TRAF7: variants seen among roughly 807,000 people sequenced by gnomAD.
TRAF7 encodes the protein E3 ubiquitin-protein ligase TRAF7.
A neutral mutation model predicts 89.3 loss-of-function variants in TRAF7; 45 were observed. That is an observed-to-expected ratio of 0.50 (90% CI 0.40 to 0.65). The LOEUF is 0.65. Ranked by LOEUF, TRAF7 falls within the 30% of genes least tolerant of loss-of-function variation. The pLI is 0.00. For missense variants in TRAF7, 677 were observed against 918.1 expected (o/e 0.74, Z 3.39); for synonymous variants, 406 against 369.2 (o/e 1.10, Z -1.14).
chr16:2,163,049 C>G lies in TRAF7; in HGVS notation c.-38-834C>G, dbSNP rs2093064030. On this transcript the variant is annotated intron_variant, in intron 1 of 20. Transcript: ENST00000326181. The surrounding 1 kb of genome is among the most constrained non-coding windows in gnomAD (Gnocchi z 4.3). ...CCTGGGTGTGACCTGTTGGCTGGGTCTCTTTTTCTCTCTAATGTTTACCTT... is the reference window on the plus strand; with the variant it reads ...CCTGGGTGTGACCTGTTGGCTGGGTGTCTTTTTCTCTCTAATGTTTACCTT... Among the ~76,000 whole-genome samples the G allele has an allele frequency of 6.6e-6, 1 of 152,158 alleles. No individual in the cohort carries two copies. Among genetic ancestry groups the G allele is most frequent in the African/African-American group, 2.4e-5 (1 of 41,432 alleles).
In TRAF7 at chr16:2,176,393, C is replaced by A; in HGVS notation, c.1998+9C>A. ...TGGATAGCACTGTGAAGGTCAGTGC[C>A]CGTGGCTCAGGCCATTCAAAGGGGC... is the stretch of plus-strand genomic sequence containing the variant. On this transcript the variant is annotated intron_variant, in intron 20 of 20. Transcript: ENST00000326181. 6.2e-7 allele frequency: 1 copy of A among 1,609,998 alleles called. No homozygotes were observed.
intron 3 of TRAF7, among the ~76,000 whole-genome samples, chr16:2,167,039 G>T (rs1372342716): frequency 1.3e-5 from 2 of 152,196 alleles, no homozygotes; most frequent in Non-Finnish European, 2.9e-5. Flanking sequence ...CCTGCTTACA[G>T]TAGCGCCTCT....
In TRAF7 at chr16:2,172,076, C is replaced by T. The variant is rs546621883; in HGVS notation, c.476-115C>T. 67 of 1,271,962 alleles carry T rather than the reference C, an allele frequency of 5.3e-5. 1 individual carries two copies. In the East Asian group the frequency reaches 1.3e-3, roughly 24 times the overall value. 78.8% of individuals were successfully genotyped at this position (1,271,962 alleles called of 1,614,324 possible). A position where few individuals can be genotyped will look rare whatever the true frequency, so the allele number is the denominator to read the frequency against. ...CACCTGTGCCCCCGTTCCCATGTTG[C>T]GTGCCTCAGAGGCGCAGATGGACAG... On this transcript the variant is annotated intron_variant, in intron 7 of 20. Transcript: ENST00000326181.
At position 2,163,612 on chromosome 16, in the gene TRAF7, G is replaced by T; in HGVS notation, c.-38-271G>T. On this transcript the variant is annotated intron_variant, in intron 1 of 20. Transcript: ENST00000326181. The surrounding 1 kb of genome is among the most constrained non-coding windows in gnomAD (Gnocchi z 4.3). Reference sequence around the variant, plus strand: ...GCAGGGGTCCCTCCACCTCGGGGAAGAGCTGGATGGGCTCTTCGGGAGCTC... The same window carrying T: ...GCAGGGGTCCCTCCACCTCGGGGAATAGCTGGATGGGCTCTTCGGGAGCTC... 1 of 423,328 alleles carries T rather than the reference G, an allele frequency of 2.4e-6. No individual in the cohort carries two copies. The highest frequency in any genetic ancestry group is 5.0e-5 in the East Asian group (1 of 19,992). 26.2% of individuals were successfully genotyped at this position (423,328 alleles called of 1,614,324 possible). A position where few individuals can be genotyped will look rare whatever the true frequency, so the allele number is the denominator to read the frequency against.
chr16:2,174,134 G>C (rs2093125556), intron 13 of TRAF7, 86 bp downstream of exon 13: 3 of 1,602,110 alleles, frequency 1.9e-6, no homozygotes, highest in Non-Finnish European at 1.7e-6. Context: ...CCTATGGGTG[G>C]GACCTTCTGG....
Position 2,158,501 on chromosome 16 carries a change from G to A in TRAF7, c.-39+2643G>A, listed in dbSNP as rs1244351169. On this transcript the variant is annotated intron_variant, in intron 1 of 20. Transcript: ENST00000326181. This position sits in a 1 kb window ranked among gnomAD's most constrained non-coding sequence, Gnocchi z 4.7. ...ACCCAGGTGGGAAGTAGGGGGCAGC[G>A]ACGCAGAGGGCCAGGACTGAGGGCC... is the stretch of plus-strand genomic sequence containing the variant. Among the ~76,000 whole-genome samples, 3 of 152,232 alleles carry A rather than the reference G, an allele frequency of 2.0e-5. No homozygotes were observed. The highest frequency in any genetic ancestry group is 1.9e-4 in the East Asian group (1 of 5,194).
rs79965129 is a variant in TRAF7, at chr16:2,158,770, G to A, written c.-39+2912G>A. Reference sequence around the variant, plus strand: ...GGGACTGGGAAGCGTGGGCTCGGCGGGGGGGGGGGGGACACTGCCACCCTT... The same window carrying A: ...GGGACTGGGAAGCGTGGGCTCGGCGAGGGGGGGGGGGACACTGCCACCCTT... On this transcript the variant is annotated intron_variant, in intron 1 of 20. Coordinates refer to ENST00000326181, the MANE Select transcript of TRAF7 (RefSeq NM_032271.3). The surrounding 1 kb of genome is among the most constrained non-coding windows in gnomAD (Gnocchi z 4.7). Among the ~76,000 whole-genome samples the A allele has an allele frequency of 5.6e-5, 7 of 125,828 alleles. No individual in the cohort carries two copies. Among genetic ancestry groups the A allele is most frequent in the South Asian group, 2.4e-4 (1 of 4,174 alleles). 82.5% of individuals were successfully genotyped at this position (125,828 alleles called of 152,430 possible).
intron 2 of TRAF7, among the ~76,000 whole-genome samples, chr16:2,164,646 A>G (rs1455157035): frequency 7.4e-6 from 1 of 136,002 alleles, no homozygotes; most frequent in Admixed American, 7.4e-5. Flanking sequence ...GCCTGGTCGC[A>G]TGGTTAAGCG....
At chr16:2,160,476 G>A (rs1035552006) in intron 1 of TRAF7, among the ~76,000 whole-genome samples, 2 of 147,588 alleles carry the variant, frequency 1.4e-5, no homozygotes, top group Non-Finnish European at 3.0e-5. Flanking sequence ...ATGGGCGGGC[G>A]GTGTGGACGG....
rs185920179 is a variant in TRAF7 at position 2,171,656 on chromosome 16, C to G, written c.475+51C>G. 9 of 1,612,248 alleles carry G rather than the reference C, an allele frequency of 5.6e-6. No individual in the cohort carries two copies. In the East Asian group the frequency reaches 1.8e-4, roughly 32 times the overall value. ...TGACGCCGACCGTGCCCATGGCTGC[C>G]GAGCAGAGGCGGGCGGCTTCTCCCT... is the stretch of plus-strand genomic sequence containing the variant. On this transcript the variant is annotated intron_variant, in intron 7 of 20. Coordinates refer to ENST00000326181, the MANE Select transcript of TRAF7 (RefSeq NM_032271.3).
rs965771937 is a variant in TRAF7, at chr16:2,168,941, T to C, written c.231+773T>C. Among the ~76,000 whole-genome samples, 4 of 152,236 alleles carry C rather than the reference T, an allele frequency of 2.6e-5. No individual in the cohort carries two copies. Among genetic ancestry groups the C allele is most frequent in the Admixed American group, 6.5e-5 (1 of 15,288 alleles). ...CTCTCCAGTGCTTGGACACCAGGTG[T>C]GGCGGCCCTGCTGGCCCTCTTGGGA... is the stretch of plus-strand genomic sequence containing the variant. On this transcript the variant is annotated intron_variant, in intron 4 of 20. Coordinates refer to ENST00000326181, the MANE Select transcript of TRAF7 (RefSeq NM_032271.3). This position sits in a 1 kb window ranked among gnomAD's most constrained non-coding sequence, Gnocchi z 4.1.
intron 3 of TRAF7, 126 bp downstream of exon 3, chr16:2,166,062 G>C: frequency 8.7e-7 from 1 of 1,146,104 alleles, no homozygotes; most frequent in Non-Finnish European, 1.3e-6. Flanking sequence ...GGCGCGGGCA[G>C]CCTCACACCG....
chr16:2,172,965 C>T (rs893756977), intron 9 of TRAF7, among the ~76,000 whole-genome samples: 8 of 152,024 alleles, frequency 5.3e-5, no homozygotes, highest in African/African-American at 1.9e-4. Context: ...AGGGAGGACC[C>T]CTTGAAGAGC....
chr16:2,171,359 G>A lies in TRAF7; in HGVS notation c.441+3G>A, dbSNP rs375433446. 107 of 1,549,118 alleles carry A rather than the reference G, an allele frequency of 6.9e-5. 1 individual carries two copies. The African/African-American group carries it at 1.3e-3, about 19-fold the overall frequency. ...ACCCCGTGATCACCACGTGTGGGGT[G>A]AGCCCGCCGCCCTTCCCAGCCCCCC... On this transcript the variant is annotated splice_donor_region_variant and intron_variant, in intron 6 of 20. Transcript: ENST00000326181.
intron 2 of TRAF7, among the ~76,000 whole-genome samples, chr16:2,165,341 G>A (rs1349102048): frequency 3.5e-5 from 5 of 141,036 alleles, no homozygotes; most frequent in South Asian, 2.2e-4. Context: ...CGGCCTGGTC[G>A]CATGGTTAAG....
chr16:2,176,153 C>T lies in TRAF7; in HGVS notation c.1851C>T (p.Phe617=). The change falls in exon 19 of 21, where the codon TTC becomes TTT. Residue 617 remains phenylalanine (F), a synonymous_variant. Coordinates refer to ENST00000326181, the MANE Select transcript of TRAF7 (RefSeq NM_032271.3). The part of the protein sequence containing the change: ...VISTPDQTKV[F]SASYDRSLRV... ...CGACGCCAGACCAGACCAAAGTCTT[C>T]AGTGCATCCTACGACCGGTCCCTCA... 6.2e-7 allele frequency: 1 copy of T among 1,609,268 alleles called. No homozygotes were observed. Among genetic ancestry groups the T allele is most frequent in the Non-Finnish European group, 8.5e-7 (1 of 1,179,526 alleles).
Position 2,163,077 on chromosome 16 carries a change from C to G in TRAF7, c.-38-806C>G, listed in dbSNP as rs1363163834. ...TTTTTCTCTCTAATGTTTACCTTCCCCTACTGGTGTCCCTGGGCCTGGCCA... is the reference window on the plus strand; with the variant it reads ...TTTTTCTCTCTAATGTTTACCTTCCGCTACTGGTGTCCCTGGGCCTGGCCA... On this transcript the variant is annotated intron_variant, in intron 1 of 20. Transcript: ENST00000326181. This position sits in a 1 kb window ranked among gnomAD's most constrained non-coding sequence, Gnocchi z 4.3. Among the ~76,000 whole-genome samples the G allele has an allele frequency of 6.6e-6, 1 of 152,156 alleles. No individual in the cohort carries two copies. Among genetic ancestry groups the G allele is most frequent in the Non-Finnish European group, 1.5e-5 (1 of 68,008 alleles).
intron 10 of TRAF7, 41 bp downstream of exon 10, chr16:2,173,440 C>T: frequency 1.2e-6 from 2 of 1,612,466 alleles, no homozygotes; most frequent in East Asian, 2.2e-5. Context: ...CTGGCCACTG[C>T]TCCGGGCACC....
Position 2,176,247 on chromosome 16 carries a change from C to G in TRAF7, c.1879-18C>G. On this transcript the variant is annotated intron_variant, in intron 19 of 20. Transcript: ENST00000326181. ...GCAGCTGAGCTCCGGCGGGCCCTCA[C>G]GTCCCATGTGCCCCCAGGTCTGGAG... 6.2e-7 allele frequency: 1 copy of G among 1,600,734 alleles called. No homozygotes were observed. The highest frequency in any genetic ancestry group is 8.5e-7 in the Non-Finnish European group (1 of 1,179,218).
Sources: allele counts gnomAD v4.1 joint callset (sites outside exome capture counted in the v4.1 genomes callset), GRCh38; gene constraint gnomAD v4.1.1; non-coding constraint Gnocchi (gnomAD v3.1); transcripts MANE v1.5; gene names NCBI Gene and HGNC (gene_info 2026-07-23, HGNC 2026-07-21).